The following GRIN2A variants were observed in gnomAD, a reference collection of about 807,000 sequenced individuals.
GRIN2A encodes glutamate ionotropic receptor NMDA type subunit 2A.
In GRIN2A, 22 loss-of-function variants were observed where a neutral mutation model predicts 113.4. The observed-to-expected ratio is 0.19, with a 90% CI of 0.14 to 0.28. The LOEUF is 0.28. Ranked by LOEUF, GRIN2A falls within the 10% of genes least tolerant of loss-of-function variation. The pLI is 1.00. For synonymous variants in GRIN2A, 827 were observed against 738.4 expected (o/e 1.12, Z -1.94); for missense variants, 1,502 against 1,887.0 (o/e 0.80, Z 3.78).
At chr16:9,873,898 C>T (rs543527802) in intron 4 of GRIN2A, among the ~76,000 whole-genome samples, 59 of 152,284 alleles carry the variant, frequency 3.9e-4, no homozygotes, top group African/African-American at 1.3e-3. Context: ...GAGGCCAGCA[C>T]GGTAGGAATC....
At chr16:9,814,051 C>T (rs1039058592) in intron 10 of GRIN2A, among the ~76,000 whole-genome samples, 1 of 152,218 alleles carries the variant, frequency 6.6e-6, no homozygotes, top group African/African-American at 2.4e-5. Context: ...CTTATACTCT[C>T]CTGGTTTACC....
At chr16:10,043,060 A>T (rs1191609290) in intron 2 of GRIN2A, among the ~76,000 whole-genome samples, 5 of 152,186 alleles carry the variant, frequency 3.3e-5, no homozygotes, top group Admixed American at 3.3e-4. Flanking sequence ...TCTCATAATT[A>T]CTTGCAGCTA....
chr16:10,150,974 A>G (rs1307883326), intron 2 of GRIN2A, among the ~76,000 whole-genome samples: 7 of 152,206 alleles, frequency 4.6e-5, no homozygotes. Context: ...AATATCATGC[A>G]TGTTGAATGA....
chr16:10,141,189 T>A (rs2049320244), intron 2 of GRIN2A, among the ~76,000 whole-genome samples: 1 of 151,338 alleles, frequency 6.6e-6, no homozygotes, highest in African/African-American at 2.4e-5. Context: ...CAAGACACTG[T>A]CTCAAAAAAA....
Position 10,038,184 on chromosome 16 carries a change from C to T in GRIN2A, c.415-99633G>A, listed in dbSNP as rs540805838. On this transcript the variant is annotated intron_variant, in intron 2 of 12. Transcript: ENST00000330684. ...CAGCTTCCTGGATTACAGGCACTGCCTTCTCACTGTGTCCTCACAGTGGAA... is the reference window on the plus strand; with the variant it reads ...CAGCTTCCTGGATTACAGGCACTGCTTTCTCACTGTGTCCTCACAGTGGAA... Among the ~76,000 whole-genome samples, 9 of 152,300 alleles carry T rather than the reference C, an allele frequency of 5.9e-5. No homozygotes were observed. The South Asian group carries it at 1.9e-3, about 32-fold the overall frequency.
chr16:9,763,321 G>T lies in GRIN2A; in HGVS notation c.4223C>A (p.Thr1408Lys), dbSNP rs763219483. ...ACTGTCCCTGGAACAGTACGATGCC[G>T]TTGACCTCAAGGACGACCGAAGATA... ...DSYLRSSLRS[T>K]ASYCSRDSRG... The change falls in exon 13 of 13, where the codon ACG becomes AAG. Residue 1408 changes from threonine to lysine, a missense_variant. Thr to Lys is a moderately conservative substitution (Grantham distance 78). Coordinates refer to ENST00000330684, the MANE Select transcript of GRIN2A (RefSeq NM_001134407.3). 2 of 1,614,106 alleles carry T rather than the reference G, an allele frequency of 1.2e-6. No homozygotes were observed. The highest frequency in any genetic ancestry group is 8.5e-7 in the Non-Finnish European group (1 of 1,179,974).
At chr16:9,833,998 TG>T (rs2141324839) in intron 8 of GRIN2A, 106 bp downstream of exon 8, 1 of 1,127,436 alleles carries the variant, frequency 8.9e-7, no homozygotes, top group East Asian at 2.4e-5. Context: ...ATTACAGGCG[TG>T]AGCCACCATG....
At chr16:10,107,173 C>T (rs1357930971) in intron 2 of GRIN2A, among the ~76,000 whole-genome samples, 1 of 152,216 alleles carries the variant, frequency 6.6e-6, no homozygotes, top group Non-Finnish European at 1.5e-5. Flanking sequence ...TAACCATACA[C>T]AGGGAAGTTC....
chr16:9,816,412 T>A (rs1235883955), intron 10 of GRIN2A, among the ~76,000 whole-genome samples: 1 of 152,148 alleles, frequency 6.6e-6, no homozygotes, highest in East Asian at 1.9e-4. Flanking sequence ...GGACTGGGGA[T>A]CCTGAGAGCT....
intron 2 of GRIN2A, among the ~76,000 whole-genome samples, chr16:10,147,899 G>T (rs2049479082): frequency 6.6e-6 from 1 of 152,166 alleles, no homozygotes; most frequent in Non-Finnish European, 1.5e-5. Context: ...CTGGTCAGGT[G>T]TGGCCACGAC....
At chr16:10,052,713 G>A (rs7204413) in intron 2 of GRIN2A, among the ~76,000 whole-genome samples, 5 of 151,876 alleles carry the variant, frequency 3.3e-5, no homozygotes, top group African/African-American at 1.2e-4. Context: ...CCCAAACTGG[G>A]AGCTTCTCCT....
chr16:10,137,079 T>C (rs2049209576), intron 2 of GRIN2A, among the ~76,000 whole-genome samples: 1 of 152,182 alleles, frequency 6.6e-6, no homozygotes, highest in South Asian at 2.1e-4. Flanking sequence ...CACAAATCCC[T>C]ACCGTTGGCT....
At chr16:9,797,073 C>T (rs2141226493) in intron 11 of GRIN2A, among the ~76,000 whole-genome samples, 1 of 152,362 alleles carries the variant, frequency 6.6e-6, no homozygotes, top group South Asian at 2.1e-4. Flanking sequence ...TAATTGTGCA[C>T]TTCATTCGAA....
intron 2 of GRIN2A, among the ~76,000 whole-genome samples, chr16:10,117,941 G>A (rs1049157255): frequency 6.6e-6 from 1 of 152,118 alleles, no homozygotes; most frequent in African/African-American, 2.4e-5. Context: ...TGTGCTAATG[G>A]TGCACAAGTG....
At chr16:9,991,848 A>G (rs536713840) in intron 2 of GRIN2A, among the ~76,000 whole-genome samples, 2 of 152,310 alleles carry the variant, frequency 1.3e-5, no homozygotes, top group Non-Finnish European at 2.9e-5. Flanking sequence ...GGAGTTGAAC[A>G]ATGAGAATAC....
intron 2 of GRIN2A, among the ~76,000 whole-genome samples, chr16:10,055,078 A>G (rs1325931383): frequency 1.9e-4 from 15 of 78,678 alleles, no homozygotes; most frequent in African/African-American, 4.4e-4. Flanking sequence ...AAAAAAAAAA[A>G]AAAAAAAGAA....
chr16:9,941,616 G>C (rs1204393298), intron 2 of GRIN2A, among the ~76,000 whole-genome samples: 1 of 152,152 alleles, frequency 6.6e-6, no homozygotes, highest in Non-Finnish European at 1.5e-5. Flanking sequence ...GAGAATACTA[G>C]AACCTCTGGG....
intron 2 of GRIN2A, among the ~76,000 whole-genome samples, chr16:9,985,042 GCA>G (rs796541373): frequency 6.6e-6 from 1 of 151,278 alleles, no homozygotes; most frequent in African/African-American, 2.4e-5. Context: ...ATGCATGCGT[GCA>G]CACACACACA....
At chr16:9,790,165 A>C (rs1902519382) in intron 11 of GRIN2A, among the ~76,000 whole-genome samples, 1 of 152,192 alleles carries the variant, frequency 6.6e-6, no homozygotes, top group African/African-American at 2.4e-5. Context: ...GGGGCTGCTG[A>C]CCAATATGCC....
Sources: gnomAD v4.1 joint callset for allele counts (sites outside exome capture counted in the v4.1 genomes callset) on GRCh38, gnomAD v4.1.1 for gene constraint, MANE v1.5 for transcripts, NCBI Gene and HGNC (gene_info 2026-07-23, HGNC 2026-07-21) for gene names.